SLC35F3: variants seen among roughly 807,000 people sequenced by gnomAD.
SLC35F3 encodes solute carrier family 35 member F3, also known as putative thiamine transporter SLC35F3.
SLC35F3 carries 25 observed loss-of-function variants against 49.9 expected under a neutral mutation model. The observed-to-expected ratio is 0.50, with a 90% CI of 0.37 to 0.70. SLC35F3 has a LOEUF of 0.70. Among genes scored for constraint, SLC35F3 ranks in the 30% least tolerant of loss-of-function variants. The pLI is 0.00. For missense variants in SLC35F3, 525 were observed against 639.8 expected (o/e 0.82, Z 1.94); for synonymous variants, 275 against 265.4 (o/e 1.04, Z -0.35).
chr1:233,986,264 A>G (rs992036748), intron 2 of SLC35F3, among the ~76,000 whole-genome samples: 25 of 152,184 alleles, frequency 1.6e-4, no homozygotes, highest in African/African-American at 5.8e-4. Context: ...AAAATTTTCA[A>G]ATAATTCTTT....
At chr1:233,997,514 C>A (rs953271375) in intron 2 of SLC35F3, among the ~76,000 whole-genome samples, 12 of 152,122 alleles carry the variant, frequency 7.9e-5, no homozygotes, top group Non-Finnish European at 1.5e-4. Context: ...AGCACCTTTG[C>A]ATATACCTGT....
intron 3 of SLC35F3, chr1:234,261,964 A>G (rs961916774): frequency 1.3e-5 from 2 of 152,280 alleles, no homozygotes; most frequent in African/African-American, 4.8e-5. Flanking sequence ...TCACCTTTCT[A>G]TCTCCACAGT....
In SLC35F3 at chr1:233,986,380, T is replaced by C. The variant is rs115748033; in HGVS notation, c.283+80622T>C. On this transcript the variant is annotated intron_variant, in intron 2 of 7. Transcript: ENST00000366618. ...TTTTTTCTGCTTTCATAAATGTTTG[T>C]TCTGAATATTCTTCCAATTTTTAAC... is the stretch of plus-strand genomic sequence containing the variant. 2.8e-3 allele frequency among the ~76,000 whole-genome samples: 429 copies of C among 152,332 alleles called. 4 individuals are homozygous for C. The highest frequency in any genetic ancestry group is 0.01 in the Middle Eastern group (3 of 294).
chr1:234,075,373 C>T (rs1186381708), intron 2 of SLC35F3, among the ~76,000 whole-genome samples: 1 of 152,206 alleles, frequency 6.6e-6, no homozygotes, highest in African/African-American at 2.4e-5. Context: ...CTCCATCAGC[C>T]TTGTGCCTTA....
intron 3 of SLC35F3, among the ~76,000 whole-genome samples, chr1:234,300,764 A>G (rs776067848): frequency 6.6e-6 from 1 of 152,210 alleles, no homozygotes; most frequent in South Asian, 2.1e-4. Flanking sequence ...AGGCCAGGGA[A>G]GAGGAGGATC....
chr1:234,193,316 CA>C (rs1385358888), intron 2 of SLC35F3, among the ~76,000 whole-genome samples: 1 of 152,078 alleles, frequency 6.6e-6, no homozygotes, highest in Non-Finnish European at 1.5e-5. Flanking sequence ...TGATCTTGGA[CA>C]AAGCAAACAA....
At chr1:234,156,696 C>G (rs1217974640) in intron 2 of SLC35F3, among the ~76,000 whole-genome samples, 7 of 151,740 alleles carry the variant, frequency 4.6e-5, no homozygotes, top group Non-Finnish European at 7.4e-5. Flanking sequence ...TTCATCATAG[C>G]CAAAAAGTAG....
intron 3 of SLC35F3, among the ~76,000 whole-genome samples, chr1:234,261,090 G>A (rs1222397843): frequency 6.6e-6 from 1 of 152,086 alleles, no homozygotes; most frequent in Non-Finnish European, 1.5e-5. Context: ...GCTAAGTGGG[G>A]CTTGTTGGTG....
At chr1:233,976,182 G>C (rs374675384) in intron 2 of SLC35F3, among the ~76,000 whole-genome samples, 3 of 152,126 alleles carry the variant, frequency 2.0e-5, no homozygotes, top group South Asian at 2.1e-4. Flanking sequence ...TAAGTAGCCT[G>C]GCTCTTTATC....
At chr1:233,963,140 T>C (rs1662832192) in intron 2 of SLC35F3, among the ~76,000 whole-genome samples, 2 of 152,164 alleles carry the variant, frequency 1.3e-5, no homozygotes, top group African/African-American at 2.4e-5. Context: ...ACTGGTAGCA[T>C]TGAGGCTTCG....
intron 2 of SLC35F3, among the ~76,000 whole-genome samples, chr1:234,230,801 T>C (rs1408219393): frequency 6.6e-6 from 1 of 152,194 alleles, no homozygotes; most frequent in Non-Finnish European, 1.5e-5. Flanking sequence ...AGGAAGCCAG[T>C]TAAAGCAGAT....
At chr1:234,086,285 G>A (rs1404931945) in intron 2 of SLC35F3, among the ~76,000 whole-genome samples, 1 of 152,152 alleles carries the variant, frequency 6.6e-6, no homozygotes, top group Admixed American at 6.5e-5. Context: ...AGCTTAAGGT[G>A]CATTCTGAGG....
rs16842490 is a variant in SLC35F3 at position 234,070,418 on chromosome 1, A to G, written c.284-160999A>G. On this transcript the variant is annotated intron_variant, in intron 2 of 7. Coordinates refer to ENST00000366618, the MANE Select transcript of SLC35F3 (RefSeq NM_173508.4). ...GGCTTTTAAATAATTTACTTTTCCT[A>G]TACATGGAGGAATTTATTTATGCGT... 7.1e-3 allele frequency among the ~76,000 whole-genome samples: 1,086 copies of G among 152,290 alleles called. 57 individuals carry two copies. The highest frequency in any genetic ancestry group is 0.062 in the Admixed American group (944 of 15,288).
chr1:234,007,055 C>T (rs1663641129), intron 2 of SLC35F3, among the ~76,000 whole-genome samples: 1 of 152,024 alleles, frequency 6.6e-6, no homozygotes, highest in Non-Finnish European at 1.5e-5. Flanking sequence ...TAACTGCAGC[C>T]ATAGACGGAT....
At chr1:234,165,348 T>C (rs992381924) in intron 2 of SLC35F3, among the ~76,000 whole-genome samples, 2 of 152,154 alleles carry the variant, frequency 1.3e-5, no homozygotes, top group African/African-American at 2.4e-5. Flanking sequence ...GTCGCTATTA[T>C]GAAGGGCTCT....
intron 2 of SLC35F3, among the ~76,000 whole-genome samples, chr1:234,031,665 C>T (rs1252885548): frequency 6.6e-6 from 1 of 152,224 alleles, no homozygotes; most frequent in Non-Finnish European, 1.5e-5. Flanking sequence ...CTGCCTTGGC[C>T]TCCCATTTCA....
At chr1:234,152,391 C>T (rs1330771280) in intron 2 of SLC35F3, among the ~76,000 whole-genome samples, 5 of 152,064 alleles carry the variant, frequency 3.3e-5, no homozygotes, top group African/African-American at 1.2e-4. Flanking sequence ...CCTAGCCTCC[C>T]ATCCACTGAC....
intron 2 of SLC35F3, among the ~76,000 whole-genome samples, chr1:234,162,952 C>A (rs542660411): frequency 1.3e-5 from 2 of 152,322 alleles, no homozygotes; most frequent in East Asian, 3.9e-4. Context: ...TAGTAACACT[C>A]TGCCAAAAGT....
intron 2 of SLC35F3, among the ~76,000 whole-genome samples, chr1:233,923,031 T>C (rs1424543437): frequency 6.6e-6 from 1 of 152,240 alleles, no homozygotes; most frequent in Non-Finnish European, 1.5e-5. Flanking sequence ...ACCAATACCA[T>C]GCTGTTTTGG....
Sources: gnomAD v4.1 joint callset for allele counts (sites outside exome capture counted in the v4.1 genomes callset) on GRCh38, gnomAD v4.1.1 for gene constraint, MANE v1.5 for transcripts, NCBI Gene and HGNC (gene_info 2026-07-23, HGNC 2026-07-21) for gene names.